GPR158: variants seen among roughly 807,000 people sequenced by gnomAD.
GPR158 encodes G protein-coupled receptor 158.
A neutral mutation model predicts 78.2 loss-of-function variants in GPR158; 30 were observed. That is an observed-to-expected ratio of 0.38 (90% CI 0.29 to 0.52). The LOEUF is 0.52. Ranked by LOEUF, GPR158 falls within the 20% of genes least tolerant of loss-of-function variation. GPR158 has a pLI of 0.83. For synonymous variants in GPR158, 581 were observed against 591.1 expected, an observed-to-expected ratio of 0.98 and a Z score of 0.25; for missense variants, 1,463 against 1,523.5, an observed-to-expected ratio of 0.96 and a Z score of 0.66.
chr10:25,307,893 CA>C (rs1189611511), intron 2 of GPR158, among the ~76,000 whole-genome samples: 1 of 152,090 alleles, frequency 6.6e-6, no homozygotes, highest in Admixed American at 6.6e-5. Flanking sequence ...TTTGAAAGTG[CA>C]TCTTCAGGAA....
intron 5 of GPR158, among the ~76,000 whole-genome samples, chr10:25,513,399 A>C (rs1199021538): frequency 6.6e-6 from 1 of 151,386 alleles, no homozygotes; most frequent in African/African-American, 2.4e-5. Flanking sequence ...AATTGAGCTT[A>C]TTTGGATCTT....
intron 2 of GPR158, among the ~76,000 whole-genome samples, chr10:25,303,514 A>T (rs772804183): frequency 6.6e-6 from 1 of 152,224 alleles, no homozygotes; most frequent in East Asian, 1.9e-4. Flanking sequence ...AAATAAATAC[A>T]CTAAAATGAC....
At chr10:25,585,492 G>A (rs548460712) in intron 7 of GPR158, among the ~76,000 whole-genome samples, 63 of 152,266 alleles carry the variant, frequency 4.1e-4, no homozygotes, top group Non-Finnish European at 7.4e-4. Flanking sequence ...TGCTGTATAC[G>A]TAAAAACTAT....
chr10:25,451,864 G>T (rs1835221972), intron 4 of GPR158, among the ~76,000 whole-genome samples: 1 of 152,158 alleles, frequency 6.6e-6, no homozygotes, highest in African/African-American at 2.4e-5. Flanking sequence ...CTAACATTTT[G>T]TTAGAGTGAG....
chr10:25,596,603 A>G, intron 9 of GPR158, 40 bp from the exon 10 acceptor site: 1 of 1,538,286 alleles, frequency 6.5e-7, no homozygotes, highest in Non-Finnish European at 8.9e-7. Context: ...AATGCGTTAC[A>G]GTGAGCTAAT....
At chr10:25,388,976 C>G (rs1306783860) in intron 2 of GPR158, among the ~76,000 whole-genome samples, 1 of 152,222 alleles carries the variant, frequency 6.6e-6, no homozygotes, top group Non-Finnish European at 1.5e-5. Flanking sequence ...CCCCTGCCAC[C>G]TTGGCCCCCT....
intron 5 of GPR158, among the ~76,000 whole-genome samples, chr10:25,529,362 C>T (rs527411425): frequency 2.0e-5 from 3 of 151,330 alleles, no homozygotes; most frequent in South Asian, 4.2e-4. Flanking sequence ...ACTCCAGCCT[C>T]GGTGACAGAG....
intron 2 of GPR158, among the ~76,000 whole-genome samples, chr10:25,237,653 TTATC>T (rs1029780533): frequency 2.2e-4 from 33 of 152,354 alleles, no homozygotes; most frequent in Admixed American, 9.1e-4. Context: ...TTTTTGTCAT[TTATC>T]TAGATTTGAA....
intron 2 of GPR158, among the ~76,000 whole-genome samples, chr10:25,252,060 C>A (rs1388365406): frequency 2.0e-5 from 3 of 151,946 alleles, no homozygotes; most frequent in East Asian, 3.9e-4. Flanking sequence ...TCATTTCATT[C>A]ATTTCATCTT....
intron 7 of GPR158, 34 bp downstream of exon 7, chr10:25,572,921 C>G: frequency 8.1e-7 from 1 of 1,230,980 alleles, no homozygotes. Context: ...GATGGTCTTA[C>G]CATTTTTCAG....
At chr10:25,390,335 G>A (rs1834277532) in intron 2 of GPR158, among the ~76,000 whole-genome samples, 1 of 152,240 alleles carries the variant, frequency 6.6e-6, no homozygotes, top group Admixed American at 6.5e-5. Flanking sequence ...CTGTGGGAAA[G>A]TGTGGAGCTT....
At chr10:25,234,348 A>C (rs1379532268) in intron 2 of GPR158, among the ~76,000 whole-genome samples, 1 of 152,252 alleles carries the variant, frequency 6.6e-6, no homozygotes, top group Non-Finnish European at 1.5e-5. Flanking sequence ...CAAGCACAGT[A>C]ATCACATTAA....
intron 2 of GPR158, among the ~76,000 whole-genome samples, chr10:25,375,982 A>G (rs746918692): frequency 3.3e-5 from 5 of 151,650 alleles, no homozygotes; most frequent in Non-Finnish European, 7.4e-5. Flanking sequence ...AAGAATTGAC[A>G]TCTTTATTAT....
intron 5 of GPR158, among the ~76,000 whole-genome samples, chr10:25,536,337 T>G (rs868070479): frequency 4.6e-5 from 7 of 152,360 alleles, no homozygotes; most frequent in African/African-American, 1.4e-4. Flanking sequence ...GTGGTTTTAC[T>G]GAAGCTAATT....
rs35398278 is a variant in GPR158, at chr10:25,560,958, G to GT, written c.1514+9882dup. On this transcript the variant is annotated intron_variant, in intron 6 of 10. Coordinates refer to ENST00000376351, the MANE Select transcript of GPR158 (RefSeq NM_020752.3). ...TATCTCTAGGAAATACTTAATGTGTGTTTTTTTTTAAGAGAAAAGGCTTTT... is the reference window on the plus strand; with the variant it reads ...TATCTCTAGGAAATACTTAATGTGTGTTTTTTTTTTAAGAGAAAAGGCTTTT... Among the ~76,000 whole-genome samples the GT allele has an allele frequency of 2.8e-3, 429 of 151,134 alleles. 1 individual carries two copies. Among genetic ancestry groups the GT allele is most frequent in the Middle Eastern group, 6.8e-3 (2 of 292 alleles).
In GPR158 at chr10:25,503,315, C is replaced by T. The variant is rs915896092; in HGVS notation, c.1404+36596C>T. ...TTGCTTGAGTCCAGGAATTTGAGGT[C>T]GTAGTGAGCTATGATCATGCCACTG... On this transcript the variant is annotated intron_variant, in intron 5 of 10. Transcript: ENST00000376351. Among the ~76,000 whole-genome samples, 4 of 151,950 alleles carry T rather than the reference C, an allele frequency of 2.6e-5. No individual in the cohort carries two copies. In the South Asian group the frequency reaches 6.2e-4, roughly 24 times the overall value.
chr10:25,363,252 T>G (rs371105253), intron 2 of GPR158, among the ~76,000 whole-genome samples: 1 of 151,982 alleles, frequency 6.6e-6, no homozygotes, highest in African/African-American at 2.4e-5. Flanking sequence ...CAAATTGTAT[T>G]TTGTTATCAC....
chr10:25,525,263 A>G (rs1450199530), intron 5 of GPR158, among the ~76,000 whole-genome samples: 1 of 152,232 alleles, frequency 6.6e-6, no homozygotes, highest in Non-Finnish European at 1.5e-5. Flanking sequence ...TGACTCAGCA[A>G]TGCCATTCCT....
chr10:25,523,771 A>G (rs1443674670), intron 5 of GPR158, among the ~76,000 whole-genome samples: 1 of 152,142 alleles, frequency 6.6e-6, no homozygotes, highest in Non-Finnish European at 1.5e-5. Context: ...TCACACAATG[A>G]TTTATACTGT....
Sources: gnomAD v4.1 joint callset for allele counts (sites outside exome capture counted in the v4.1 genomes callset) on GRCh38, gnomAD v4.1.1 for gene constraint, MANE v1.5 for transcripts, NCBI Gene and HGNC (gene_info 2026-07-23, HGNC 2026-07-21) for gene names.